The following LRRC4C variants were observed in gnomAD, a reference collection of about 807,000 sequenced individuals.
LRRC4C encodes leucine rich repeat containing 4C.
In LRRC4C, 5 loss-of-function variants were observed where a neutral mutation model predicts 33.6. The observed-to-expected ratio is 0.15, with a 90% CI of 0.08 to 0.31. LRRC4C has a LOEUF of 0.31. Ranked by LOEUF, LRRC4C falls within the 10% of genes least tolerant of loss-of-function variation. The pLI, the probability that LRRC4C is intolerant of heterozygous loss-of-function variation, is 1.00. For missense variants in LRRC4C, 560 were observed against 796.7 expected (o/e 0.70, Z 3.58); for synonymous variants, 329 against 302.0 (o/e 1.09, Z -0.93).
intron 1 of LRRC4C, among the ~76,000 whole-genome samples, chr11:41,433,283 C>T (rs1009838280): frequency 6.6e-5 from 10 of 152,116 alleles, no homozygotes; most frequent in African/African-American, 2.4e-4. Flanking sequence ...TATAACACTC[C>T]ACTTTCCCTC....
intron 2 of LRRC4C, among the ~76,000 whole-genome samples, chr11:40,659,615 C>A (rs1943318451): frequency 6.6e-6 from 1 of 152,186 alleles, no homozygotes. Context: ...GAAGGAACTA[C>A]CAACTTAGGG....
chr11:40,800,916 AG>A, intron 2 of LRRC4C, among the ~76,000 whole-genome samples: 1 of 152,324 alleles, frequency 6.6e-6, no homozygotes, highest in South Asian at 2.1e-4. Context: ...TGTGAGCTCC[AG>A]GACCATCACA....
chr11:40,908,927 A>T (rs1956544447), intron 2 of LRRC4C, among the ~76,000 whole-genome samples: 2 of 152,154 alleles, frequency 1.3e-5, no homozygotes, highest in African/African-American at 4.8e-5. Context: ...CGGGTGCATT[A>T]CCTATGCCAT....
At position 40,810,342 on chromosome 11, in the gene LRRC4C, T is replaced by C. The variant is rs1405434224; in HGVS notation, c.-407+123293A>G. On this transcript the variant is annotated intron_variant, in intron 2 of 6. Transcript: ENST00000528697. Reference sequence around the variant, plus strand: ...CAATATCTCAGTTGCCTTGGTTATCTCCTTCTCTGTTTAAGTTATGAATGT... The same window carrying C: ...CAATATCTCAGTTGCCTTGGTTATCCCCTTCTCTGTTTAAGTTATGAATGT... Among the ~76,000 whole-genome samples the C allele has an allele frequency of 3.9e-5, 6 of 152,324 alleles. No individual in the cohort carries two copies. In the East Asian group the frequency reaches 1.2e-3, roughly 29 times the overall value.
At chr11:40,475,800 C>T (rs1479541469) in intron 3 of LRRC4C, among the ~76,000 whole-genome samples, 1 of 152,076 alleles carries the variant, frequency 6.6e-6, no homozygotes, top group Non-Finnish European at 1.5e-5. Flanking sequence ...TCCTAAGCCC[C>T]TCCTTTATAA....
intron 1 of LRRC4C, among the ~76,000 whole-genome samples, chr11:41,267,639 C>T (rs1341284539): frequency 1.3e-5 from 2 of 152,026 alleles, no homozygotes; most frequent in African/African-American, 4.8e-5. Flanking sequence ...TACACTGTGC[C>T]AATTTTTTTT....
chr11:40,432,055 A>G (rs1480827202), intron 3 of LRRC4C, among the ~76,000 whole-genome samples: 1 of 152,184 alleles, frequency 6.6e-6, no homozygotes, highest in Non-Finnish European at 1.5e-5. Context: ...GACTTGGTAT[A>G]AAACTTCAGA....
intron 3 of LRRC4C, among the ~76,000 whole-genome samples, chr11:40,402,420 G>T (rs1949794966): frequency 6.6e-6 from 1 of 151,936 alleles, no homozygotes; most frequent in Non-Finnish European, 1.5e-5. Flanking sequence ...TCTCTTTTTG[G>T]CAGTTGAAAC....
chr11:41,141,638 T>G (rs1178609399), intron 1 of LRRC4C, among the ~76,000 whole-genome samples: 1 of 152,054 alleles, frequency 6.6e-6, no homozygotes, highest in Non-Finnish European at 1.5e-5. Context: ...TCTCATGAGA[T>G]CTGATGATTT....
intron 2 of LRRC4C, among the ~76,000 whole-genome samples, chr11:40,933,083 C>A (rs913964029): frequency 2.0e-5 from 3 of 152,064 alleles, no homozygotes; most frequent in African/African-American, 7.2e-5. Flanking sequence ...TTCTGCGTGG[C>A]AAATAAAGCT....
intron 3 of LRRC4C, among the ~76,000 whole-genome samples, chr11:40,488,201 C>A (rs1395930939): frequency 1.3e-5 from 2 of 152,058 alleles, no homozygotes; most frequent in African/African-American, 4.8e-5. Flanking sequence ...TGCGTGTAAG[C>A]TCTTGGCACA....
At chr11:40,650,651 C>A (rs1024217000) in intron 2 of LRRC4C, among the ~76,000 whole-genome samples, 12 of 152,260 alleles carry the variant, frequency 7.9e-5, no homozygotes, top group Admixed American at 5.9e-4. Flanking sequence ...CTCCATTACA[C>A]TTGTTTTGGC....
intron 5 of LRRC4C, among the ~76,000 whole-genome samples, chr11:40,195,119 A>T (rs1862158779): frequency 6.6e-6 from 1 of 152,108 alleles, no homozygotes; most frequent in African/African-American, 2.4e-5. Context: ...AGAAAAAAGA[A>T]AAAAGGAAGG....
At chr11:41,320,557 AT>A (rs201211692) in intron 1 of LRRC4C, among the ~76,000 whole-genome samples, 1,841 of 152,308 alleles carry the variant, frequency 0.012, 41 homozygotes, top group African/African-American at 0.042. Context: ...GGTCTAGCTA[AT>A]TTTAGTGTTA....
chr11:40,363,145 T>C (rs1948039372), intron 3 of LRRC4C, among the ~76,000 whole-genome samples: 1 of 152,070 alleles, frequency 6.6e-6, no homozygotes, highest in Non-Finnish European at 1.5e-5. Context: ...AGCAAAGACA[T>C]GAAATCATCC....
At chr11:40,321,981 A>G (rs1945868405) in intron 3 of LRRC4C, among the ~76,000 whole-genome samples, 1 of 152,162 alleles carries the variant, frequency 6.6e-6, no homozygotes, top group Non-Finnish European at 1.5e-5. Context: ...GAGAAGTACT[A>G]TGACAGGTGG....
At chr11:40,944,951 C>T (rs1958323181) in intron 1 of LRRC4C, among the ~76,000 whole-genome samples, 1 of 151,870 alleles carries the variant, frequency 6.6e-6, no homozygotes, top group African/African-American at 2.4e-5. Context: ...CAAGTTGAGT[C>T]CTGCGTTTCT....
intron 2 of LRRC4C, among the ~76,000 whole-genome samples, chr11:40,922,798 G>C (rs562684539): frequency 6.6e-6 from 1 of 152,190 alleles, no homozygotes; most frequent in African/African-American, 2.4e-5. Flanking sequence ...GGGTAGTATA[G>C]GTGAAGTGAA....
intron 1 of LRRC4C, among the ~76,000 whole-genome samples, chr11:41,351,073 T>A (rs1951964815): frequency 6.6e-6 from 1 of 152,054 alleles, no homozygotes; most frequent in African/African-American, 2.4e-5. Context: ...CTTTTAAAAA[T>A]TTTTTAAAAA....
Sources: allele counts gnomAD v4.1 joint callset (sites outside exome capture counted in the v4.1 genomes callset), GRCh38; gene constraint gnomAD v4.1.1; transcripts MANE v1.5; gene names NCBI Gene and HGNC (gene_info 2026-07-23, HGNC 2026-07-21).